DMD: variants seen among roughly 807,000 people sequenced by gnomAD.
DMD encodes mutant dystrophin.
A neutral mutation model predicts 330.1 loss-of-function variants in DMD; 63 were observed. That is an observed-to-expected ratio of 0.19 (90% confidence interval 0.16 to 0.24). The LOEUF (loss-of-function observed/expected upper bound fraction) is 0.24. Among genes scored for constraint, DMD ranks in the 10% least tolerant of loss-of-function variants. The pLI, the probability that DMD is intolerant of heterozygous loss-of-function variation, is 1.00. For synonymous variants in DMD, 1,223 were observed against 959.8 expected, an observed-to-expected ratio of 1.27 and a Z score of -5.07; for missense variants, 3,344 against 2,684.1, an observed-to-expected ratio of 1.25 and a Z score of -5.43.
At chrX:31,969,520 G>T (rs1048313538) in intron 44 of DMD, among the ~76,000 whole-genome samples, 1 of 110,798 alleles carries the variant, frequency 9.0e-6, no homozygotes, top group African/African-American at 3.3e-5. Context: ...TCTCCTAATA[G>T]ATGTGATTCA....
intron 62 of DMD, among the ~76,000 whole-genome samples, chrX:31,305,244 ACATAT>A (rs1035896015): frequency 8.9e-6 from 1 of 112,016 alleles, no homozygotes; most frequent in African/African-American, 3.2e-5. Context: ...TACCTCACCA[ACATAT>A]CATTTATTTT....
intron 1 of DMD, among the ~76,000 whole-genome samples, chrX:33,281,537 T>G (rs1603427970): frequency 8.9e-6 from 1 of 111,860 alleles, no homozygotes; most frequent in Middle Eastern, 4.6e-3. Context: ...TCTTGTCAGA[T>G]AATTTCAACA....
In DMD at chrX:32,038,285, T is replaced by G. The variant is rs779454373; in HGVS notation, c.6439-69771A>C. 1.6e-3 allele frequency among the ~76,000 whole-genome samples: 184 copies of G among 112,156 alleles called. 1 individual carries two copies. The highest frequency in any genetic ancestry group is 5.5e-3 in the African/African-American group (170 of 30,867). On this transcript the variant is annotated intron_variant, in intron 44 of 78. Transcript: ENST00000357033. Reference sequence around the variant, plus strand: ...AGGGAGATTATACACTAGGTTCGTCTGGGAAAGGTCTGGTGTACAGCTTTG... The same window carrying G: ...AGGGAGATTATACACTAGGTTCGTCGGGGAAAGGTCTGGTGTACAGCTTTG...
intron 1 of DMD, among the ~76,000 whole-genome samples, chrX:33,150,541 G>A (rs1226987785): frequency 1.8e-5 from 2 of 109,584 alleles, no homozygotes; most frequent in Non-Finnish European, 3.8e-5. Context: ...TGATCCGCCC[G>A]CCTCGGCCTC....
intron 16 of DMD, 80 bp downstream of exon 16, chrX:32,565,622 A>G (rs1384842267): frequency 2.0e-6 from 2 of 992,514 alleles, no homozygotes; most frequent in Non-Finnish European, 2.8e-6. Flanking sequence ...CTTCTTTTGT[A>G]GGGTTATAAT....
At chrX:31,256,573 T>C (rs1287421339) in intron 63 of DMD, among the ~76,000 whole-genome samples, 1 of 111,905 alleles carries the variant, frequency 8.9e-6, no homozygotes, top group African/African-American at 3.3e-5. Flanking sequence ...TATTTTTTAA[T>C]CAAAAAAGTT....
At chrX:31,966,781 C>G (rs2095355113) in intron 45 of DMD, among the ~76,000 whole-genome samples, 1 of 109,927 alleles carries the variant, frequency 9.1e-6, no homozygotes, top group Admixed American at 9.7e-5. Context: ...CCTTTAGAGC[C>G]CAATAACAGA....
intron 62 of DMD, among the ~76,000 whole-genome samples, chrX:31,269,248 G>A (rs956579926): frequency 2.7e-5 from 3 of 111,786 alleles, no homozygotes; most frequent in East Asian, 2.8e-4. Context: ...GAACATAATT[G>A]ATATACCTTC....
At chrX:32,704,647 T>C (rs2064441791) in intron 7 of DMD, among the ~76,000 whole-genome samples, 1 of 112,305 alleles carries the variant, frequency 8.9e-6, no homozygotes, top group Non-Finnish European at 1.9e-5. Flanking sequence ...CAACAAAAAC[T>C]GTGAGAGGAT....
At chrX:32,470,501 A>C (rs1442720845) in intron 22 of DMD, among the ~76,000 whole-genome samples, 1 of 111,210 alleles carries the variant, frequency 9.0e-6, no homozygotes, top group Non-Finnish European at 1.9e-5. Context: ...ATTTATGAAC[A>C]ATTATTTTCT....
intron 62 of DMD, among the ~76,000 whole-genome samples, chrX:31,305,688 C>A (rs897420563): frequency 3.6e-5 from 4 of 112,262 alleles, no homozygotes; most frequent in Non-Finnish European, 5.6e-5. Context: ...TCTTGCCAAT[C>A]TAGTCTACTT....
chrX:32,455,759 T>C (rs1299744087), intron 25 of DMD, among the ~76,000 whole-genome samples: 1 of 111,392 alleles, frequency 9.0e-6, no homozygotes, highest in Non-Finnish European at 1.9e-5. Flanking sequence ...CACAAATACA[T>C]CTTTACTGAA....
At chrX:32,842,420 A>C (rs76841572) in intron 4 of DMD, among the ~76,000 whole-genome samples, 1 of 112,105 alleles carries the variant, frequency 8.9e-6, no homozygotes, top group Non-Finnish European at 1.9e-5. Context: ...AAACAAAAAA[A>C]CCCACACACC....
chrX:32,746,004 T>G (rs2069956411), intron 7 of DMD, among the ~76,000 whole-genome samples: 1 of 112,016 alleles, frequency 8.9e-6, no homozygotes, highest in African/African-American at 3.2e-5. Flanking sequence ...GTTAAACATC[T>G]TTGTGGAAGT....
At chrX:32,619,212 A>C (rs1018605631) in intron 11 of DMD, among the ~76,000 whole-genome samples, 8 of 111,849 alleles carry the variant, frequency 7.2e-5, no homozygotes, top group African/African-American at 2.6e-4. Context: ...GCCAGTAAAG[A>C]AAGAAAACCA....
At chrX:31,947,891 A>C (rs1040298160) in intron 45 of DMD, among the ~76,000 whole-genome samples, 1 of 110,340 alleles carries the variant, frequency 9.1e-6, no homozygotes, top group African/African-American at 3.3e-5. Flanking sequence ...TTCTTATGGT[A>C]GGAACACTTA....
At chrX:31,510,685 AT>A (rs1359794231) in intron 55 of DMD, among the ~76,000 whole-genome samples, 1 of 107,875 alleles carries the variant, frequency 9.3e-6, no homozygotes, top group East Asian at 2.9e-4. Context: ...TTTTTTTTGT[AT>A]TTTTAGTAGA....
chrX:31,597,486 C>T (rs963690683), intron 55 of DMD, among the ~76,000 whole-genome samples: 2 of 111,722 alleles, frequency 1.8e-5, no homozygotes, highest in African/African-American at 6.5e-5. Context: ...GATTTAATCA[C>T]CAACTATAAT....
chrX:32,684,955 C>T (rs1045865497), intron 9 of DMD, among the ~76,000 whole-genome samples: 7 of 111,712 alleles, frequency 6.3e-5, no homozygotes, highest in Non-Finnish European at 1.1e-4. Context: ...ATAACCAATA[C>T]ATGATGCAAG....
Sources: allele counts gnomAD v4.1 joint callset (sites outside exome capture counted in the v4.1 genomes callset), GRCh38; gene constraint gnomAD v4.1.1; transcripts MANE v1.5; gene names NCBI Gene and HGNC (gene_info 2026-07-23, HGNC 2026-07-21).